PTPRD: variants seen among roughly 807,000 people sequenced by gnomAD.
PTPRD encodes receptor-type tyrosine-protein phosphatase delta.
In PTPRD, 34 loss-of-function variants were observed where a neutral mutation model predicts 214.5. The ratio of observed to expected loss-of-function variants is 0.16; its 90% confidence interval spans 0.12 to 0.21. PTPRD has a LOEUF of 0.21. Ranked by LOEUF, PTPRD falls within the 10% of genes least tolerant of loss-of-function variation. PTPRD has a pLI of 1.00. For synonymous variants in PTPRD, 1,128 were observed against 845.7 expected (o/e 1.33, Z -5.79); for missense variants, 2,545 against 2,398.7 (o/e 1.06, Z -1.27).
At chr9:10,055,236 C>A (rs746813647) in intron 3 of PTPRD, among the ~76,000 whole-genome samples, 1 of 152,112 alleles carries the variant, frequency 6.6e-6, no homozygotes, top group Non-Finnish European at 1.5e-5. Context: ...AAGACACTTG[C>A]CTGCTTTACT....
chr9:10,456,256 T>C (rs1332178380), intron 2 of PTPRD, among the ~76,000 whole-genome samples: 1 of 151,908 alleles, frequency 6.6e-6, no homozygotes, highest in Non-Finnish European at 1.5e-5. Flanking sequence ...AAGTGCTGTT[T>C]TGAAATACCA....
At chr9:9,827,126 T>C (rs988157935) in intron 5 of PTPRD, among the ~76,000 whole-genome samples, 3 of 152,056 alleles carry the variant, frequency 2.0e-5, no homozygotes, top group African/African-American at 7.2e-5. Context: ...AAGCTACCAA[T>C]GACTTTCTTC....
intron 23 of PTPRD, among the ~76,000 whole-genome samples, chr9:8,504,017 C>T (rs999261098): frequency 1.4e-4 from 22 of 152,220 alleles, no homozygotes; most frequent in Admixed American, 5.9e-4. Flanking sequence ...CACCCATGGA[C>T]GTCTACTACC....
At chr9:8,411,485 G>A (rs993656170) in intron 35 of PTPRD, among the ~76,000 whole-genome samples, 1 of 151,978 alleles carries the variant, frequency 6.6e-6, no homozygotes, top group South Asian at 2.1e-4. Context: ...TGTATTTTTA[G>A]TAGAGGCAGG....
chr9:9,779,039 G>T (rs2098821781), intron 5 of PTPRD, among the ~76,000 whole-genome samples: 2 of 110,154 alleles, frequency 1.8e-5, no homozygotes, highest in South Asian at 6.5e-4. Flanking sequence ...AAAACTCAAA[G>T]CCTCACACCT....
chr9:8,934,425 A>ATATATATAAATATATATATAAATT lies in PTPRD; in HGVS notation c.-104+84271_-104+84272insAATTTATATATATATTTATATATA, dbSNP rs1567096954. Among the ~76,000 whole-genome samples the ATATATATAAATATATATATAAATT allele has an allele frequency of 3.1e-4, 19 of 62,178 alleles. 1 individual carries two copies. Among genetic ancestry groups the ATATATATAAATATATATATAAATT allele is most frequent in the African/African-American group, 1.0e-3 (16 of 15,590 alleles). The allele number at this position is 62,178 out of a possible 152,430, so 40.8% of individuals were successfully genotyped here. On this transcript the variant is annotated intron_variant, in intron 11 of 45. Coordinates refer to ENST00000381196, the MANE Select transcript of PTPRD (RefSeq NM_002839.4). The stretch of plus-strand genomic sequence containing the variant: ...TGTGTGTGTGTGTGTGTGTGTGTAT[A>ATATATATAAATATATATATAAATT]TATATATATAAATATATATATAAAT...
chr9:10,598,785 A>T (rs1341109418), intron 2 of PTPRD, among the ~76,000 whole-genome samples: 4 of 151,208 alleles, frequency 2.6e-5, no homozygotes, highest in African/African-American at 9.7e-5. Context: ...TAGAGTAGAT[A>T]ACAAAATATC....
At chr9:10,367,434 G>C (rs1201802588) in intron 2 of PTPRD, among the ~76,000 whole-genome samples, 1 of 152,090 alleles carries the variant, frequency 6.6e-6, no homozygotes, top group Non-Finnish European at 1.5e-5. Flanking sequence ...GTTACCGTTT[G>C]AGCCAACCAC....
intron 12 of PTPRD, among the ~76,000 whole-genome samples, chr9:8,717,818 C>G (rs1157878049): frequency 1.3e-5 from 2 of 152,190 alleles, no homozygotes; most frequent in African/African-American, 4.8e-5. Flanking sequence ...CCTTAATGCC[C>G]TCCACAATTT....
chr9:9,515,844 T>C (rs923302860), intron 8 of PTPRD, among the ~76,000 whole-genome samples: 5 of 152,072 alleles, frequency 3.3e-5, no homozygotes, highest in African/African-American at 1.2e-4. Context: ...GTTCTTTGTA[T>C]GGTAATTAAG....
At chr9:9,525,804 C>T (rs1022635713) in intron 8 of PTPRD, among the ~76,000 whole-genome samples, 1 of 151,324 alleles carries the variant, frequency 6.6e-6, no homozygotes, top group African/African-American at 2.4e-5. Context: ...AAATTTTATA[C>T]CTTTGTAAAC....
At chr9:10,070,199 ACTGT>A (rs1222853978) in intron 3 of PTPRD, among the ~76,000 whole-genome samples, 1 of 152,126 alleles carries the variant, frequency 6.6e-6, no homozygotes, top group South Asian at 2.1e-4. Flanking sequence ...TAGGCAATAA[ACTGT>A]CTGTTTTGTC....
intron 9 of PTPRD, among the ~76,000 whole-genome samples, chr9:9,282,899 A>C (rs1315933045): frequency 6.6e-6 from 1 of 151,516 alleles, no homozygotes; most frequent in Non-Finnish European, 1.5e-5. Flanking sequence ...ATTTTTATAG[A>C]GTTAGTTATG....
intron 7 of PTPRD, among the ~76,000 whole-genome samples, chr9:9,594,598 T>A (rs1316582533): frequency 6.6e-6 from 1 of 152,142 alleles, no homozygotes; most frequent in Non-Finnish European, 1.5e-5. Context: ...TTGGGTTTAT[T>A]TCTGGGTTCT....
intron 12 of PTPRD, among the ~76,000 whole-genome samples, chr9:8,685,449 A>C (rs541579806): frequency 6.6e-6 from 1 of 152,150 alleles, no homozygotes; most frequent in Non-Finnish European, 1.5e-5. Context: ...ATTTTGTTGG[A>C]GTTTCAGAAG....
chr9:10,201,542 A>G (rs922037752), intron 3 of PTPRD, among the ~76,000 whole-genome samples: 10 of 151,976 alleles, frequency 6.6e-5, no homozygotes, highest in African/African-American at 2.4e-4. Context: ...ATCTTTTTAA[A>G]GGCTGAATAA....
intron 6 of PTPRD, among the ~76,000 whole-genome samples, chr9:9,751,686 T>C (rs10977947): frequency 6.6e-6 from 1 of 151,814 alleles, no homozygotes; most frequent in Non-Finnish European, 1.5e-5. Context: ...AAGACAGAGA[T>C]TGGAATGATA....
At chr9:9,928,869 A>G (rs912174878) in intron 5 of PTPRD, among the ~76,000 whole-genome samples, 5 of 151,876 alleles carry the variant, frequency 3.3e-5, no homozygotes, top group African/African-American at 7.3e-5. Context: ...CTATTATTTC[A>G]CTTGGTAATA....
intron 11 of PTPRD, among the ~76,000 whole-genome samples, chr9:8,779,007 G>C (rs1474624998): frequency 1.3e-5 from 2 of 151,988 alleles, no homozygotes; most frequent in African/African-American, 2.4e-5. Flanking sequence ...TCATGTAAAA[G>C]CTTATTTAAG....
Sources: gnomAD v4.1 joint callset for allele counts (sites outside exome capture counted in the v4.1 genomes callset) on GRCh38, gnomAD v4.1.1 for gene constraint, MANE v1.5 for transcripts, NCBI Gene and HGNC (gene_info 2026-07-23, HGNC 2026-07-21) for gene names.